The following VAT1L variants were observed in gnomAD, a reference collection of about 807,000 sequenced individuals.
VAT1L encodes putative NADPH-dependent quinone oxidoreductase VAT1L.
In VAT1L, 34 loss-of-function variants were observed where a neutral mutation model predicts 44.1. That is an observed-to-expected ratio of 0.77 (90% CI 0.59 to 1.03). The LOEUF is 1.03. VAT1L is among the 50% of genes least tolerant of loss of function. VAT1L has a pLI of 0.00. For missense variants in VAT1L, 615 were observed against 538.8 expected (o/e 1.14, Z -1.40); for synonymous variants, 253 against 202.2 (o/e 1.25, Z -2.13).
At chr16:77,915,921 G>C (rs2017547385) in intron 7 of VAT1L, among the ~76,000 whole-genome samples, 1 of 152,172 alleles carries the variant, frequency 6.6e-6, no homozygotes, top group African/African-American at 2.4e-5. Context: ...ACTCCTGTGG[G>C]TAAATGAAGG....
intron 3 of VAT1L, among the ~76,000 whole-genome samples, chr16:77,840,492 ATAAAGAG>A (rs2016693270): frequency 6.6e-6 from 1 of 152,160 alleles, no homozygotes; most frequent in African/African-American, 2.4e-5. Context: ...AAAACAACCG[ATAAAGAG>A]TATCTAGATG....
At chr16:77,889,400 C>T (rs1244727578) in intron 7 of VAT1L, among the ~76,000 whole-genome samples, 1 of 152,134 alleles carries the variant, frequency 6.6e-6, no homozygotes, top group South Asian at 2.1e-4. Flanking sequence ...GTTAGTCTCA[C>T]CAAACAGTTT....
At chr16:77,856,461 C>T (rs184183876) in intron 3 of VAT1L, among the ~76,000 whole-genome samples, 41 of 152,292 alleles carry the variant, frequency 2.7e-4, no homozygotes, top group Admixed American at 2.6e-3. Context: ...TAGCTAAAAA[C>T]TGCTCCTTAC....
intron 7 of VAT1L, among the ~76,000 whole-genome samples, chr16:77,931,114 C>A (rs961066943): frequency 6.6e-6 from 1 of 152,190 alleles, no homozygotes; most frequent in Admixed American, 6.5e-5. Context: ...TTCTACTCCA[C>A]AGCCAATGTC....
chr16:77,789,665 C>A (rs1669134803), intron 1 of VAT1L, among the ~76,000 whole-genome samples: 1 of 152,164 alleles, frequency 6.6e-6, no homozygotes. Context: ...CCCCTCCATG[C>A]CCCTCTCCAT....
At chr16:77,828,006 C>T (rs1281129369) in intron 3 of VAT1L, among the ~76,000 whole-genome samples, 2 of 152,142 alleles carry the variant, frequency 1.3e-5, no homozygotes, top group Non-Finnish European at 2.9e-5. Flanking sequence ...TGCAGTTGGA[C>T]CCATCTCTCA....
At chr16:77,899,798 T>C (rs1263645780) in intron 7 of VAT1L, among the ~76,000 whole-genome samples, 1 of 152,180 alleles carries the variant, frequency 6.6e-6, no homozygotes, top group African/African-American at 2.4e-5. Context: ...GCGGATGTGT[T>C]CTCCAAGACA....
rs375981858 is a variant in VAT1L, at chr16:77,862,903, C to G, written c.722+13C>G. ...AAGAAGTTAAAAGGTAAGATGTTTG[C>G]TTTTGAAAAAGCACCAGGCTGGCCC... is the stretch of plus-strand genomic sequence containing the variant. On this transcript the variant is annotated intron_variant, in intron 4 of 8. Transcript: ENST00000302536. 1 of 1,612,730 alleles carries G rather than the reference C, an allele frequency of 6.2e-7. No individual in the cohort carries two copies. The highest frequency in any genetic ancestry group is 1.1e-5 in the South Asian group (1 of 90,744).
intron 2 of VAT1L, among the ~76,000 whole-genome samples, chr16:77,822,901 G>T (rs1471911998): frequency 6.6e-6 from 1 of 152,094 alleles, no homozygotes; most frequent in African/African-American, 2.4e-5. Context: ...CCCTGCCCCC[G>T]ACAGAGCTGC....
intron 1 of VAT1L, among the ~76,000 whole-genome samples, chr16:77,812,855 T>C (rs1445689101): frequency 6.6e-6 from 1 of 152,200 alleles, no homozygotes; most frequent in Non-Finnish European, 1.5e-5. Context: ...CTCTGACTAA[T>C]AATTTAGTAT....
chr16:77,902,859 G>A (rs1209149117), intron 7 of VAT1L, among the ~76,000 whole-genome samples: 3 of 151,116 alleles, frequency 2.0e-5, no homozygotes, highest in African/African-American at 7.3e-5. Flanking sequence ...TGTATTCCCA[G>A]CTACTTGGGA....
At chr16:77,914,984 G>A (rs1245606967) in intron 7 of VAT1L, among the ~76,000 whole-genome samples, 2 of 152,242 alleles carry the variant, frequency 1.3e-5, no homozygotes, top group Non-Finnish European at 2.9e-5. Flanking sequence ...AATTAGCCAG[G>A]CCTAGTGGCA....
At chr16:77,869,050 G>A (rs2017003813) in intron 4 of VAT1L, among the ~76,000 whole-genome samples, 1 of 152,002 alleles carries the variant, frequency 6.6e-6, no homozygotes, top group South Asian at 2.1e-4. Context: ...TGTTCAGAAA[G>A]GTGAAACTAC....
intron 1 of VAT1L, among the ~76,000 whole-genome samples, chr16:77,811,956 A>G (rs1287565280): frequency 6.6e-6 from 1 of 152,174 alleles, no homozygotes; most frequent in Admixed American, 6.5e-5. Context: ...ACAGACGATG[A>G]GAGCTGGGGA....
At chr16:77,895,307 G>A (rs1394247619) in intron 7 of VAT1L, among the ~76,000 whole-genome samples, 1 of 151,532 alleles carries the variant, frequency 6.6e-6, no homozygotes, top group Non-Finnish European at 1.5e-5. Flanking sequence ...GTGACAGGCT[G>A]AAGAATGGCC....
intron 6 of VAT1L, among the ~76,000 whole-genome samples, chr16:77,883,562 G>GA (rs2017177561): frequency 6.6e-6 from 1 of 152,104 alleles, no homozygotes; most frequent in African/African-American, 2.4e-5. Flanking sequence ...AGCACTGTGG[G>GA]ATGTTTAGCT....
chr16:77,880,116 A>G (rs976214465), intron 6 of VAT1L, among the ~76,000 whole-genome samples: 5 of 152,166 alleles, frequency 3.3e-5, no homozygotes, highest in Non-Finnish European at 7.3e-5. Flanking sequence ...ACTCTGATCT[A>G]TCTTCCTATC....
intron 7 of VAT1L, among the ~76,000 whole-genome samples, chr16:77,901,782 C>G (rs2017386351): frequency 6.6e-6 from 1 of 152,160 alleles, no homozygotes; most frequent in East Asian, 1.9e-4. Flanking sequence ...GTGGGTCACC[C>G]TCACCCCTAA....
At position 77,854,663 on chromosome 16, in the gene VAT1L, A is replaced by G. The variant is rs138859528; in HGVS notation, c.580-8085A>G. Among the ~76,000 whole-genome samples, 152 of 152,324 alleles carry G rather than the reference A, an allele frequency of 1.0e-3. 1 individual carries two copies. The East Asian group carries it at 0.028, about 28-fold the overall frequency. On this transcript the variant is annotated intron_variant, in intron 3 of 8. Coordinates refer to ENST00000302536, the MANE Select transcript of VAT1L (RefSeq NM_020927.3). ...TGCGTCGATGAAGATGAAAAAATAA[A>G]CTGACAATCTTTGGAAGAAGAAAAT...
Sources: gnomAD v4.1 joint callset for allele counts (sites outside exome capture counted in the v4.1 genomes callset) on GRCh38, gnomAD v4.1.1 for gene constraint, MANE v1.5 for transcripts, NCBI Gene and HGNC (gene_info 2026-07-23, HGNC 2026-07-21) for gene names.